TBC1D14: variants seen among roughly 807,000 people sequenced by gnomAD.
TBC1D14 encodes TBC1 domain family member 14.
TBC1D14 carries 26 observed loss-of-function variants against 79.0 expected under a neutral mutation model. The observed-to-expected ratio is 0.33, with a 90% CI of 0.24 to 0.46. The LOEUF is 0.46. Among genes scored for constraint, TBC1D14 ranks in the 20% least tolerant of loss-of-function variants. The pLI, the probability that TBC1D14 is intolerant of heterozygous loss-of-function variation, is 1.00. For missense variants in TBC1D14, 769 were observed against 887.6 expected (o/e 0.87, Z 1.70); for synonymous variants, 394 against 349.9 (o/e 1.13, Z -1.40).
At chr4:7,007,881 TCCAC>T (rs980745428) in intron 9 of TBC1D14, among the ~76,000 whole-genome samples, 3 of 152,068 alleles carry the variant, frequency 2.0e-5, no homozygotes, top group Admixed American at 1.3e-4. Flanking sequence ...TTCCCCACCC[TCCAC>T]CCACGGTTCA....
In TBC1D14 at chr4:7,010,643, C is replaced by A. The variant is rs764424843; in HGVS notation, c.1519-10C>A. ...CTGTGATTTTAACGTGCCTTTCTCT[C>A]CTCTCTCAGGTCCAGGGCATGTCCT... On this transcript the variant is annotated splice_polypyrimidine_tract_variant and intron_variant, in intron 10 of 13. Transcript: ENST00000409757. 1.4e-5 allele frequency: 22 copies of A among 1,609,088 alleles called. No individual in the cohort carries two copies. In the South Asian group the frequency reaches 1.6e-4, roughly 11 times the overall value.
chr4:7,008,146 G>A (rs1013443324), intron 9 of TBC1D14, among the ~76,000 whole-genome samples: 3 of 152,174 alleles, frequency 2.0e-5, no homozygotes, highest in African/African-American at 7.2e-5. Flanking sequence ...AACGTAATTT[G>A]AAACTGAAAG....
intron 2 of TBC1D14, among the ~76,000 whole-genome samples, chr4:6,940,150 G>T (rs1712765133): frequency 6.6e-6 from 1 of 152,212 alleles, no homozygotes. Flanking sequence ...TATTTAAATT[G>T]AGTTAAAATT....
intron 9 of TBC1D14, among the ~76,000 whole-genome samples, chr4:7,009,413 G>C (rs1033806743): frequency 1.3e-5 from 2 of 152,156 alleles, no homozygotes; most frequent in Admixed American, 1.3e-4. Flanking sequence ...TCCTAAACTT[G>C]CCATTCAGAA....
intron 13 of TBC1D14, among the ~76,000 whole-genome samples, chr4:7,028,704 C>T (rs774763066): frequency 1.3e-5 from 2 of 152,166 alleles, no homozygotes; most frequent in East Asian, 1.9e-4. Context: ...GGATTATAGG[C>T]GTGAGCCACC....
chr4:6,979,671 C>T (rs1342447485), intron 3 of TBC1D14, among the ~76,000 whole-genome samples: 3 of 151,978 alleles, frequency 2.0e-5, no homozygotes, highest in African/African-American at 7.3e-5. Context: ...CTGCAAGAAA[C>T]TCACTTCAAA....
At chr4:6,984,390 C>G (rs1033202231) in intron 3 of TBC1D14, among the ~76,000 whole-genome samples, 1 of 152,136 alleles carries the variant, frequency 6.6e-6, no homozygotes, top group Non-Finnish European at 1.5e-5. Context: ...CCTGTCACAG[C>G]TAGACCTTCA....
chr4:6,910,096 C>G (rs1430253912), intron 1 of TBC1D14, 145 bp downstream of exon 1: 2 of 149,906 alleles, frequency 1.3e-5, no homozygotes, highest in Non-Finnish European at 3.0e-5. Context: ...CTGGGTGTCC[C>G]TCGCCGCGCG....
At position 6,923,579 on chromosome 4, in the gene TBC1D14, G is replaced by T; in HGVS notation, c.190G>T (p.Val64Leu). The T allele has an allele frequency of 6.2e-7, 1 of 1,614,096 alleles. No homozygotes were observed. Among genetic ancestry groups the T allele is most frequent in the Non-Finnish European group, 8.5e-7 (1 of 1,180,004 alleles). Residue 64 changes from valine (V) to leucine (L), a missense_variant, in exon 2 of 14, where the codon GTG (valine) becomes TTG (leucine). Val to Leu is a conservative substitution (Grantham distance 32, BLOSUM62 1). This residue lies in a region of TBC1D14 where 402 missense variants were observed against 393.2 expected (regional missense o/e 1.02). Coordinates refer to ENST00000409757, the MANE Select transcript of TBC1D14 (RefSeq NM_020773.3). Reference protein sequence around the residue: ...ALEDRHSLQSVDSGIPTLEIG... With the variant: ...ALEDRHSLQSLDSGIPTLEIG... ...AGAAGACCGGCACAGCCTCCAGTCC[G>T]TGGACTCGGGGATTCCTACCCTGGA...
chr4:7,031,737 C>G lies in TBC1D14; in HGVS notation c.*1345C>G, dbSNP rs996475085. ...TCACGGGCTTGGTTAGTCATGCGTA[C>G]ATGTGTGCCTTGGGGTGCTCTGCAC... On this transcript the variant is annotated 3_prime_UTR_variant, in exon 14 of 14. Coordinates refer to ENST00000409757, the MANE Select transcript of TBC1D14 (RefSeq NM_020773.3). The G allele has an allele frequency of 6.6e-6, 1 of 152,230 alleles. No homozygotes were observed. Among genetic ancestry groups the G allele is most frequent in the East Asian group, 1.9e-4 (1 of 5,182 alleles). 9.4% of individuals were successfully genotyped at this position (152,230 alleles called of 1,614,324 possible). A position where few individuals can be genotyped will look rare whatever the true frequency, so the allele number is the denominator to read the frequency against.
intron 3 of TBC1D14, among the ~76,000 whole-genome samples, chr4:6,976,899 CATAAAT>C (rs1217047117): frequency 1.3e-5 from 2 of 151,860 alleles, no homozygotes; most frequent in Admixed American, 6.6e-5. Context: ...CTTAAAACAC[CATAAAT>C]ATAAAGACAT....
chr4:6,987,049 C>A (rs1248034533), intron 3 of TBC1D14: 1 of 615,850 alleles, frequency 1.6e-6, no homozygotes, highest in Middle Eastern at 5.8e-4. Flanking sequence ...TGTTTACGGC[C>A]GGTGGGGCCG....
chr4:6,926,213 T>G (rs1724286924), intron 2 of TBC1D14, among the ~76,000 whole-genome samples: 1 of 152,224 alleles, frequency 6.6e-6, no homozygotes, highest in Admixed American at 6.5e-5. Flanking sequence ...GAGCCCTTCC[T>G]TCCGTGGCAG....
At chr4:7,018,957 A>C (rs1247974098) in intron 12 of TBC1D14, among the ~76,000 whole-genome samples, 1 of 152,202 alleles carries the variant, frequency 6.6e-6, no homozygotes, top group African/African-American at 2.4e-5. Flanking sequence ...TGTTATGGTT[A>C]GCGTTTCTGA....
At chr4:6,945,036 C>T (rs752640412) in intron 2 of TBC1D14, among the ~76,000 whole-genome samples, 1 of 152,172 alleles carries the variant, frequency 6.6e-6, no homozygotes, top group African/African-American at 2.4e-5. Context: ...ACTAGCAGAA[C>T]GTGACTTGGT....
At chr4:7,025,738 G>A (rs1014165387) in intron 13 of TBC1D14, among the ~76,000 whole-genome samples, 5 of 152,226 alleles carry the variant, frequency 3.3e-5, no homozygotes, top group South Asian at 4.1e-4. Context: ...CAGAGAGGAG[G>A]GCGCGGGTCC....
At chr4:6,918,593 T>C (rs1204899199) in intron 1 of TBC1D14, among the ~76,000 whole-genome samples, 1 of 152,200 alleles carries the variant, frequency 6.6e-6, no homozygotes, top group Non-Finnish European at 1.5e-5. Context: ...AAGTTGAGGC[T>C]CAGAAGGGTT....
intron 2 of TBC1D14, among the ~76,000 whole-genome samples, chr4:6,953,417 C>G (rs1419082395): frequency 3.1e-5 from 4 of 130,150 alleles, no homozygotes. Context: ...GTCAGGAGAT[C>G]GAGACCATCC....
intron 2 of TBC1D14, among the ~76,000 whole-genome samples, chr4:6,945,371 G>A (rs901515808): frequency 6.6e-6 from 1 of 152,102 alleles, no homozygotes; most frequent in Non-Finnish European, 1.5e-5. Context: ...GAGTAGAAAT[G>A]TTGGCGTAGC....
Sources: gnomAD v4.1 joint callset for allele counts (sites outside exome capture counted in the v4.1 genomes callset) on GRCh38, gnomAD v4.1.1 for gene constraint, gnomAD v4.1.1 regional missense constraint, MANE v1.5 for transcripts, NCBI Gene and HGNC (gene_info 2026-07-23, HGNC 2026-07-21) for gene names.